The following KCNMA1 variants were observed in gnomAD, a reference collection of about 807,000 sequenced individuals.
KCNMA1 encodes the protein potassium calcium-activated channel subfamily M alpha 1.
KCNMA1 carries 29 observed loss-of-function variants against 140.0 expected under a neutral mutation model. The observed-to-expected ratio is 0.21, with a 90% CI of 0.15 to 0.28. The LOEUF (loss-of-function observed/expected upper bound fraction) is 0.28, where lower values mean the gene tolerates loss of function less well. Among genes scored for constraint, KCNMA1 ranks in the 10% least tolerant of loss-of-function variants. KCNMA1 has a pLI of 1.00. For synonymous variants in KCNMA1, 612 were observed against 611.9 expected (o/e 1.00, Z 0.00); for missense variants, 880 against 1,602.2 (o/e 0.55, Z 7.70).
chr10:76,965,008 A>G (rs985680338), intron 20 of KCNMA1, among the ~76,000 whole-genome samples: 2 of 152,166 alleles, frequency 1.3e-5, no homozygotes, highest in African/African-American at 4.8e-5. Context: ...GATACATCCT[A>G]TGTAAATCCT....
rs36034012 is a variant in KCNMA1, at chr10:77,295,787, C to CAAAAAAAAAAAAAA, written c.541-44545_541-44532dup. The stretch of plus-strand genomic sequence containing the variant: ...TGGGCGACAGAGCGAGACTCCGTCT[C>CAAAAAAAAAAAAAA]AAAAAAAAAAAAAAAAAAAAAAAAA... On this transcript the variant is annotated intron_variant, in intron 2 of 27. Coordinates refer to ENST00000286628, the MANE Select transcript of KCNMA1 (RefSeq NM_001161352.2). 4.9e-4 allele frequency among the ~76,000 whole-genome samples: 21 copies of CAAAAAAAAAAAAAA among 43,254 alleles called. 2 individuals carry two copies. Among genetic ancestry groups the CAAAAAAAAAAAAAA allele is most frequent in the African/African-American group, 7.7e-4 (9 of 11,740 alleles). 28.4% of individuals were successfully genotyped at this position (43,254 alleles called of 152,430 possible). A position where few individuals can be genotyped will look rare whatever the true frequency, so the allele number is the denominator to read the frequency against.
intron 2 of KCNMA1, among the ~76,000 whole-genome samples, chr10:77,391,924 G>T (rs2095841846): frequency 1.3e-5 from 2 of 150,726 alleles, no homozygotes; most frequent in East Asian, 2.0e-4. Flanking sequence ...TGAAATGGAG[G>T]CTCTAAGGAT....
intron 14 of KCNMA1, chr10:77,064,169 G>T: frequency 1.1e-6 from 1 of 946,642 alleles, no homozygotes; most frequent in Non-Finnish European, 1.3e-6. Flanking sequence ...GAAAATATTA[G>T]ATGAAAATAT....
intron 23 of KCNMA1, among the ~76,000 whole-genome samples, chr10:76,941,195 G>T (rs1462746071): frequency 6.8e-6 from 1 of 146,122 alleles, no homozygotes; most frequent in African/African-American, 2.5e-5. Flanking sequence ...GAGGGAGGGA[G>T]GGAAGGAGGG....
At chr10:77,517,564 G>A (rs1299452808) in intron 1 of KCNMA1, among the ~76,000 whole-genome samples, 1 of 152,156 alleles carries the variant, frequency 6.6e-6, no homozygotes, top group Non-Finnish European at 1.5e-5. Flanking sequence ...GCTGAGTTGG[G>A]GCTCATGGGG....
At chr10:76,887,588 A>G in intron 27 of KCNMA1, 73 bp from the exon 28 acceptor site, 1 of 1,559,038 alleles carries the variant, frequency 6.4e-7, no homozygotes. Context: ...CTGAACCAAA[A>G]GCAATGGCCT....
At chr10:76,941,018 G>GAAAGAAAGA (rs2061877247) in intron 23 of KCNMA1, among the ~76,000 whole-genome samples, 5 of 38,258 alleles carry the variant, frequency 1.3e-4, no homozygotes, top group African/African-American at 5.4e-4. Context: ...AGGAAGGAAG[G>GAAAGAAAGA]AAGAAAGAAA....
intron 1 of KCNMA1, among the ~76,000 whole-genome samples, chr10:77,425,049 A>ATGGATGGATGGG (rs940676887): frequency 4.6e-5 from 7 of 152,096 alleles, no homozygotes; most frequent in South Asian, 2.1e-4. Context: ...GAATAAATGA[A>ATGGATGGATGGG]TGGATGGATG....
rs137957056 is a variant in KCNMA1, at chr10:76,915,156, T to A, written c.2903-107A>T. On this transcript the variant is annotated intron_variant, in intron 23 of 27. Transcript: ENST00000286628. The stretch of plus-strand genomic sequence containing the variant: ...AACCCCAAAAATGTAGCTTATGCAT[T>A]ATTCACAGGTCAACAATTAGTATTC... The A allele has an allele frequency of 2.4e-3, 1,821 of 743,940 alleles. 28 individuals are homozygous for A. The African/African-American group carries it at 0.028, about 12-fold the overall frequency. The allele number at this position is 743,940 out of a possible 1,614,324, so 46.1% of individuals were successfully genotyped here. A position where few individuals can be genotyped will look rare whatever the true frequency, so the allele number is the denominator to read the frequency against.
At chr10:77,594,017 A>T (rs944617293) in intron 1 of KCNMA1, among the ~76,000 whole-genome samples, 7 of 152,212 alleles carry the variant, frequency 4.6e-5, no homozygotes, top group African/African-American at 1.7e-4. Flanking sequence ...CAGATGATGT[A>T]TCACAGCTGA....
rs189464344 is a variant in KCNMA1, at chr10:77,301,581, T to A, written c.541-50325A>T. On this transcript the variant is annotated intron_variant, in intron 2 of 27. Transcript: ENST00000286628. ...TATGGCAGACCTTGTTTCCTCTCCA[T>A]CTTCTACTTTCATAGATACAGTCCA... is the stretch of plus-strand genomic sequence containing the variant. Among the ~76,000 whole-genome samples the A allele has an allele frequency of 2.1e-3, 319 of 152,034 alleles. 1 individual carries two copies. Among genetic ancestry groups the A allele is most frequent in the Non-Finnish European group, 3.6e-3 (246 of 68,012 alleles).
chr10:77,115,003 T>G (rs1023591322), intron 6 of KCNMA1, among the ~76,000 whole-genome samples: 11 of 152,252 alleles, frequency 7.2e-5, no homozygotes, highest in African/African-American at 2.7e-4. Flanking sequence ...CTAGCTTGTT[T>G]ACAGTTCTTT....
chr10:77,605,990 C>T (rs906967466), intron 1 of KCNMA1, among the ~76,000 whole-genome samples: 9 of 152,148 alleles, frequency 5.9e-5, no homozygotes, highest in African/African-American at 1.9e-4. Flanking sequence ...TCTGCCTGAA[C>T]GCAAGCAGGT....
intron 1 of KCNMA1, among the ~76,000 whole-genome samples, chr10:77,462,402 C>T (rs748676423): frequency 4.4e-5 from 6 of 136,500 alleles, no homozygotes; most frequent in African/African-American, 6.8e-5. Flanking sequence ...CATATATTTA[C>T]AAACAAACAC....
intron 1 of KCNMA1, among the ~76,000 whole-genome samples, chr10:77,529,011 A>G (rs1342844673): frequency 6.6e-6 from 1 of 152,178 alleles, no homozygotes; most frequent in Non-Finnish European, 1.5e-5. Flanking sequence ...AGTAAGTAGC[A>G]CAGATGGTTG....
At chr10:77,064,181 A>G (rs2095853783) in intron 14 of KCNMA1, 3 of 938,370 alleles carry the variant, frequency 3.2e-6, no homozygotes, top group Non-Finnish European at 2.5e-6. Context: ...TGAAAATATA[A>G]CATTTTGGGG....
chr10:76,936,673 T>C (rs1293272240), intron 23 of KCNMA1, among the ~76,000 whole-genome samples: 1 of 152,078 alleles, frequency 6.6e-6, no homozygotes, highest in African/African-American at 2.4e-5. Context: ...TATAGGTGCG[T>C]CTGCAAGAAA....
intron 1 of KCNMA1, among the ~76,000 whole-genome samples, chr10:77,516,975 C>A (rs1246980844): frequency 5.8e-5 from 8 of 138,832 alleles, no homozygotes; most frequent in African/African-American, 8.5e-5. Flanking sequence ...TGTTTGTGGA[C>A]ATAGGGATGT....
intron 1 of KCNMA1, among the ~76,000 whole-genome samples, chr10:77,470,317 A>G (rs1265212157): frequency 6.6e-6 from 1 of 152,132 alleles, no homozygotes; most frequent in African/African-American, 2.4e-5. Context: ...GACTCAGCAA[A>G]CTGAGGAGGT....
Sources: allele counts gnomAD v4.1 joint callset (sites outside exome capture counted in the v4.1 genomes callset), GRCh38; gene constraint gnomAD v4.1.1; transcripts MANE v1.5; gene names NCBI Gene and HGNC (gene_info 2026-07-23, HGNC 2026-07-21).